FAT3: variants seen among roughly 807,000 people sequenced by gnomAD.
FAT3 encodes FAT atypical cadherin 3.
FAT3 carries 95 observed loss-of-function variants against 310.2 expected under a neutral mutation model. That is an observed-to-expected ratio of 0.31 (90% CI 0.26 to 0.36). FAT3 has a LOEUF of 0.36. Ranked by LOEUF, FAT3 falls within the 10% of genes least tolerant of loss-of-function variation. The pLI is 1.00. For missense variants in FAT3, 5,408 were observed against 5,715.6 expected (o/e 0.95, Z 1.74); for synonymous variants, 2,314 against 2,192.9 (o/e 1.06, Z -1.54).
At chr11:92,396,443 C>T (rs1189876269) in intron 2 of FAT3, among the ~76,000 whole-genome samples, 1 of 152,278 alleles carries the variant, frequency 6.6e-6, no homozygotes, top group African/African-American at 2.4e-5. Context: ...CTCATACAGC[C>T]TGGCAATGGA....
intron 4 of FAT3, among the ~76,000 whole-genome samples, chr11:92,705,567 TGGTGGTGGTG>T (rs1944278463): frequency 2.0e-5 from 1 of 49,156 alleles, no homozygotes; most frequent in African/African-American, 8.3e-5. Flanking sequence ...GTGATGGTGG[TGGTGGTGGTG>T]ATGGTGGTGG....
At chr11:92,866,710 A>G (rs762890609) in intron 21 of FAT3, 31 bp from the exon 22 acceptor site, 2 of 1,580,856 alleles carry the variant, frequency 1.3e-6, no homozygotes, top group South Asian at 2.3e-5. Context: ...TTGCATGTTG[A>G]AAAGTGCTGC....
chr11:92,677,467 C>T (rs1943324617), intron 3 of FAT3, among the ~76,000 whole-genome samples: 1 of 152,202 alleles, frequency 6.6e-6, no homozygotes, highest in Non-Finnish European at 1.5e-5. Flanking sequence ...CCTCTTTTGT[C>T]TGATGGCAGC....
At chr11:92,568,100 C>G (rs950117872) in intron 3 of FAT3, among the ~76,000 whole-genome samples, 9 of 152,070 alleles carry the variant, frequency 5.9e-5, no homozygotes, top group Non-Finnish European at 7.4e-5. Flanking sequence ...TTGAATGTCT[C>G]CTAGGCCACC....
chr11:92,742,809 A>G (rs530179032), intron 4 of FAT3, among the ~76,000 whole-genome samples: 1 of 152,328 alleles, frequency 6.6e-6, no homozygotes, highest in South Asian at 2.1e-4. Flanking sequence ...ATATTCTGTT[A>G]TAGCAACACA....
chr11:92,469,674 C>G (rs931909976), intron 2 of FAT3, among the ~76,000 whole-genome samples: 1 of 151,542 alleles, frequency 6.6e-6, no homozygotes, highest in Non-Finnish European at 1.5e-5. Context: ...GCCACCATGC[C>G]TAGCTAATTT....
chr11:92,309,457 G>A (rs1204203687), intron 1 of FAT3, among the ~76,000 whole-genome samples: 1 of 151,750 alleles, frequency 6.6e-6, no homozygotes, highest in African/African-American at 2.4e-5. Context: ...AGATTCTTCA[G>A]GAGCTTGCAA....
chr11:92,831,127 G>A (rs551895136), intron 13 of FAT3, among the ~76,000 whole-genome samples: 1 of 152,162 alleles, frequency 6.6e-6, no homozygotes, highest in South Asian at 2.1e-4. Flanking sequence ...CTCACCAGTG[G>A]CTTCCCCCTC....
At chr11:92,890,440 G>A (rs1329307501) in intron 27 of FAT3, 51 bp from the exon 28 acceptor site, 2 of 1,552,960 alleles carry the variant, frequency 1.3e-6, no homozygotes, top group African/African-American at 1.4e-5. Context: ...TCCCAGCAAA[G>A]CACCAACTCC....
At chr11:92,673,462 CA>C (rs889764988) in intron 3 of FAT3, among the ~76,000 whole-genome samples, 18 of 152,068 alleles carry the variant, frequency 1.2e-4, no homozygotes, top group Non-Finnish European at 2.1e-4. Flanking sequence ...AGTACATCAG[CA>C]ATAACAGGTG....
At chr11:92,251,959 T>C (rs76029358) in intron 1 of FAT3, among the ~76,000 whole-genome samples, 2,402 of 152,294 alleles carry the variant, frequency 0.016, 64 homozygotes, top group African/African-American at 0.054. Context: ...GGAAACCATA[T>C]CTTTTCTTCT....
At chr11:92,535,730 A>G (rs191798253) in intron 3 of FAT3, among the ~76,000 whole-genome samples, 25 of 152,246 alleles carry the variant, frequency 1.6e-4, no homozygotes, top group African/African-American at 6.0e-4. Flanking sequence ...AGAGACTTCT[A>G]AGTCTCTCAT....
At chr11:92,477,755 GTAT>G (rs2135177913) in intron 2 of FAT3, among the ~76,000 whole-genome samples, 1 of 152,316 alleles carries the variant, frequency 6.6e-6, no homozygotes, top group Admixed American at 6.5e-5. Flanking sequence ...AAGGTTGAAT[GTAT>G]TCAAGGTTCA....
rs187506608 is a variant in FAT3, at chr11:92,670,437, T to C, written c.3608-26947T>C. On this transcript the variant is annotated intron_variant, in intron 3 of 27. Transcript: ENST00000525166. ...GATAGGGATCTGCAACTGCGTTACA[T>C]GTTTCTTTATTAATGAAATGCTGCA... is the stretch of plus-strand genomic sequence containing the variant. Among the ~76,000 whole-genome samples the C allele has an allele frequency of 2.7e-3, 414 of 152,338 alleles. 1 individual carries two copies. Among genetic ancestry groups the C allele is most frequent in the African/African-American group, 9.4e-3 (391 of 41,574 alleles).
chr11:92,443,800 T>C (rs1951139165), intron 2 of FAT3, among the ~76,000 whole-genome samples: 1 of 151,180 alleles, frequency 6.6e-6, no homozygotes, highest in African/African-American at 2.4e-5. Flanking sequence ...AAGGAGGAGG[T>C]AGGAGGAGGA....
chr11:92,442,421 T>C (rs1027886719), intron 2 of FAT3, among the ~76,000 whole-genome samples: 1 of 151,430 alleles, frequency 6.6e-6, no homozygotes, highest in African/African-American at 2.4e-5. Context: ...CCAGGAAATA[T>C]ATTTGAGCAT....
At chr11:92,412,213 C>T (rs1370287327) in intron 2 of FAT3, among the ~76,000 whole-genome samples, 3 of 151,924 alleles carry the variant, frequency 2.0e-5, no homozygotes, top group Non-Finnish European at 4.4e-5. Flanking sequence ...AGCAGTTCTC[C>T]TGCCTCATCC....
In FAT3 at chr11:92,561,836, C is replaced by T. The variant is rs1258634992; in HGVS notation, c.3607+36888C>T. 4.6e-5 allele frequency among the ~76,000 whole-genome samples: 7 copies of T among 151,996 alleles called. No homozygotes were observed. In the East Asian group the frequency reaches 1.2e-3, roughly 25 times the overall value. On this transcript the variant is annotated intron_variant, in intron 3 of 27. Transcript: ENST00000525166. ...AGACAGGGTTTCATCATGTTGGCCA[C>T]GCTGATCTCGAACACCTGGCCTCAA...
At chr11:92,355,763 T>C (rs887502920) in intron 2 of FAT3, among the ~76,000 whole-genome samples, 2 of 152,230 alleles carry the variant, frequency 1.3e-5, no homozygotes, top group African/African-American at 4.8e-5. Flanking sequence ...TACATTTGAA[T>C]TGGCTTTAAG....
Sources: gnomAD v4.1 joint callset for allele counts (sites outside exome capture counted in the v4.1 genomes callset) on GRCh38, gnomAD v4.1.1 for gene constraint, MANE v1.5 for transcripts, NCBI Gene and HGNC (gene_info 2026-07-23, HGNC 2026-07-21) for gene names.